The following ADAMTSL1 variants were observed in gnomAD, a reference collection of about 807,000 sequenced individuals.
ADAMTSL1 encodes ADAMTS like 1.
In ADAMTSL1, 126 loss-of-function variants were observed where a neutral mutation model predicts 201.8. That is an observed-to-expected ratio of 0.62 (90% CI 0.54 to 0.72). The LOEUF (loss-of-function observed/expected upper bound fraction) is 0.72. Among genes scored for constraint, ADAMTSL1 ranks in the 30% least tolerant of loss-of-function variants. The pLI is 0.00. For synonymous variants in ADAMTSL1, 1,121 were observed against 903.4 expected, an observed-to-expected ratio of 1.24 and a Z score of -4.32; for missense variants, 2,679 against 2,277.8, an observed-to-expected ratio of 1.18 and a Z score of -3.59.
At chr9:18,839,825 A>T (rs1199931939) in intron 23 of ADAMTSL1, among the ~76,000 whole-genome samples, 1 of 151,224 alleles carries the variant, frequency 6.6e-6, no homozygotes, top group Non-Finnish European at 1.5e-5. Flanking sequence ...TGGCTGCATA[A>T]ATGTCTTCTT....
intron 6 of ADAMTSL1, among the ~76,000 whole-genome samples, chr9:18,637,554 G>T (rs776757): frequency 0.92 from 139,368 of 152,260 alleles, 63,847 homozygotes; most frequent in East Asian, 0.99. Context: ...TTGGCCTTGT[G>T]TGATTTAATT....
intron 1 of ADAMTSL1, among the ~76,000 whole-genome samples, chr9:18,042,978 A>G (rs1422437980): frequency 6.6e-6 from 1 of 152,190 alleles, no homozygotes; most frequent in African/African-American, 2.4e-5. Context: ...TGAAGCCAAC[A>G]TTCATAGTTG....
intron 2 of ADAMTSL1, among the ~76,000 whole-genome samples, chr9:18,224,576 T>G (rs936177988): frequency 1.3e-5 from 2 of 152,150 alleles, no homozygotes; most frequent in Non-Finnish European, 2.9e-5. Flanking sequence ...ATCAATTTCA[T>G]CTCAATGTCC....
At chr9:18,788,757 G>A (rs1201717191) in intron 19 of ADAMTSL1, among the ~76,000 whole-genome samples, 1 of 152,122 alleles carries the variant, frequency 6.6e-6, no homozygotes, top group African/African-American at 2.4e-5. Context: ...ATAGGAATTT[G>A]GGGCTAATGT....
chr9:18,392,099 C>T (rs1838076787), intron 2 of ADAMTSL1, among the ~76,000 whole-genome samples: 1 of 152,086 alleles, frequency 6.6e-6, no homozygotes, highest in Admixed American at 6.5e-5. Flanking sequence ...GCTGGGATTA[C>T]AGGCATGAGT....
intron 26 of ADAMTSL1, among the ~76,000 whole-genome samples, chr9:18,894,744 C>G (rs1829510241): frequency 6.6e-6 from 1 of 152,114 alleles, no homozygotes; most frequent in Non-Finnish European, 1.5e-5. Flanking sequence ...GAGAGCTATG[C>G]TAAACACTAT....
At chr9:18,489,855 T>C (rs1484016617) in intron 1 of ADAMTSL1, among the ~76,000 whole-genome samples, 1 of 152,212 alleles carries the variant, frequency 6.6e-6, no homozygotes, top group African/African-American at 2.4e-5. Context: ...GTTGAGGAAA[T>C]GATGGTAACC....
chr9:18,024,552 A>G (rs559571572), intron 1 of ADAMTSL1, among the ~76,000 whole-genome samples: 2 of 152,210 alleles, frequency 1.3e-5, no homozygotes, highest in African/African-American at 4.8e-5. Context: ...TTGCTTAGAA[A>G]AATGGCTCCC....
At chr9:18,539,980 C>A (rs924074867) in intron 3 of ADAMTSL1, among the ~76,000 whole-genome samples, 5 of 152,102 alleles carry the variant, frequency 3.3e-5, no homozygotes, top group Admixed American at 3.3e-4. Flanking sequence ...AGCCTCTGAT[C>A]CAACTCACTG....
chr9:18,140,048 A>G (rs975940082), intron 1 of ADAMTSL1, among the ~76,000 whole-genome samples: 17 of 152,160 alleles, frequency 1.1e-4, no homozygotes, highest in Non-Finnish European at 1.9e-4. Context: ...AGTGGCATGT[A>G]TTCATTTATG....
At chr9:18,095,931 G>A (rs1030619274) in intron 1 of ADAMTSL1, among the ~76,000 whole-genome samples, 1 of 152,104 alleles carries the variant, frequency 6.6e-6, no homozygotes, top group African/African-American at 2.4e-5. Context: ...GGAAATATGA[G>A]TTCATTTTGT....
At chr9:18,438,502 G>A (rs1012361096) in intron 2 of ADAMTSL1, among the ~76,000 whole-genome samples, 6 of 152,070 alleles carry the variant, frequency 3.9e-5, no homozygotes, top group African/African-American at 1.4e-4. Context: ...AGGACCTGAC[G>A]GCAGTATTTT....
Position 18,706,971 on chromosome 9 carries a change from G to T in ADAMTSL1, c.1799G>T (p.Gly600Val). 1 of 1,613,968 alleles carries T rather than the reference G, an allele frequency of 6.2e-7. No homozygotes were observed. The highest frequency in any genetic ancestry group is 8.5e-7 in the Non-Finnish European group (1 of 1,179,886). ...CCAGACGAGACAGATGGGCTCTTTG[G>T]TGGCCTGCAGGATTTCGACGAGCTG... Reference protein sequence around the residue: ...FNPDETDGLFGGLQDFDELYD... With the variant: ...FNPDETDGLFVGLQDFDELYD... Residue 600 changes from glycine (G) to valine (V), a missense_variant, in exon 14 of 29, where the codon GGT becomes GTT. Transcript: ENST00000380548.
chr9:18,475,914 G>A (rs914051930), intron 1 of ADAMTSL1, among the ~76,000 whole-genome samples: 3 of 151,918 alleles, frequency 2.0e-5, no homozygotes, highest in Non-Finnish European at 2.9e-5. Context: ...TTTGGTAAAC[G>A]CATTATATCC....
chr9:18,649,417 T>G (rs1393154464), intron 7 of ADAMTSL1, among the ~76,000 whole-genome samples: 3 of 152,212 alleles, frequency 2.0e-5, no homozygotes, highest in Non-Finnish European at 4.4e-5. Flanking sequence ...CCAGCTTTGT[T>G]CCGTTGCTGG....
At chr9:18,565,277 A>G (rs969094996) in intron 3 of ADAMTSL1, among the ~76,000 whole-genome samples, 6 of 152,208 alleles carry the variant, frequency 3.9e-5, no homozygotes, top group Non-Finnish European at 7.3e-5. Flanking sequence ...CAAAGTTTGA[A>G]TATATTAGAA....
intron 2 of ADAMTSL1, among the ~76,000 whole-genome samples, chr9:18,435,523 G>C (rs1241403050): frequency 6.6e-6 from 1 of 152,150 alleles, no homozygotes; most frequent in African/African-American, 2.4e-5. Context: ...TTGGAAGTAG[G>C]GGCTCTGATC....
chr9:17,973,058 A>T (rs1818280094), intron 1 of ADAMTSL1, among the ~76,000 whole-genome samples: 1 of 15,092 alleles, frequency 6.6e-5, no homozygotes, highest in East Asian at 4.7e-3. Context: ...TAGATTCTGG[A>T]TATTAACCCT....
intron 1 of ADAMTSL1, among the ~76,000 whole-genome samples, chr9:18,126,412 T>G (rs1825730482): frequency 6.6e-6 from 1 of 152,144 alleles, no homozygotes; most frequent in South Asian, 2.1e-4. Flanking sequence ...CCTTTATCCT[T>G]CTATTTAGGG....
Sources: allele counts gnomAD v4.1 joint callset (sites outside exome capture counted in the v4.1 genomes callset), GRCh38; gene constraint gnomAD v4.1.1; transcripts MANE v1.5; gene names NCBI Gene and HGNC (gene_info 2026-07-23, HGNC 2026-07-21).